The following ADGRV1 variants were observed in gnomAD, a reference collection of about 807,000 sequenced individuals.
ADGRV1 encodes the protein adhesion G protein-coupled receptor V1, also known as G-protein coupled receptor 98.
In ADGRV1, 359 loss-of-function variants were observed where a neutral mutation model predicts 596.2. That is an observed-to-expected ratio of 0.60 (90% CI 0.55 to 0.66). The LOEUF is 0.66. Among genes scored for constraint, ADGRV1 ranks in the 30% least tolerant of loss-of-function variants. ADGRV1 has a pLI of 0.00. For missense variants in ADGRV1, 7,274 were observed against 7,575.6 expected, an observed-to-expected ratio of 0.96 and a Z score of 1.48; for synonymous variants, 2,681 against 2,679.2, an observed-to-expected ratio of 1.00 and a Z score of -0.02.
intron 83 of ADGRV1, among the ~76,000 whole-genome samples, chr5:90,876,768 A>G (rs1246528907): frequency 6.6e-6 from 1 of 152,208 alleles, no homozygotes; most frequent in African/African-American, 2.4e-5. Flanking sequence ...TAATGAAAAG[A>G]AGACCTTTTC....
intron 83 of ADGRV1, among the ~76,000 whole-genome samples, chr5:90,954,584 TATAAAC>T (rs1240187903): frequency 2.0e-5 from 3 of 152,192 alleles, no homozygotes; most frequent in Non-Finnish European, 4.4e-5. Context: ...ATGCATTATC[TATAAAC>T]ATAAAGTCTA....
intron 87 of ADGRV1, among the ~76,000 whole-genome samples, chr5:91,139,295 G>GT (rs1036449934): frequency 6.6e-5 from 10 of 152,084 alleles, no homozygotes; most frequent in African/African-American, 2.4e-4. Context: ...AAGTTTTTGA[G>GT]TTTTTTTCCT....
intron 11 of ADGRV1, among the ~76,000 whole-genome samples, chr5:90,641,777 C>T (rs1356232730): frequency 4.6e-5 from 7 of 152,140 alleles, no homozygotes; most frequent in Non-Finnish European, 1.0e-4. Flanking sequence ...CGTGACATTT[C>T]GCAAGGTTTA....
chr5:90,689,384 T>C (rs1431849207), intron 29 of ADGRV1, among the ~76,000 whole-genome samples: 1 of 145,772 alleles, frequency 6.9e-6, no homozygotes, highest in Non-Finnish European at 1.5e-5. Context: ...CAGTACTCAG[T>C]AGCGGCTTTC....
chr5:90,647,979 C>A lies in ADGRV1; in HGVS notation c.3289+215C>A, dbSNP rs551450128. On this transcript the variant is annotated intron_variant, in intron 17 of 89. Transcript: ENST00000405460. ...TGAACCTTTATGACATCCTTTTTAACCTTTTCTTTATGATATGGCACAAAT... is the reference window on the plus strand; with the variant it reads ...TGAACCTTTATGACATCCTTTTTAAACTTTTCTTTATGATATGGCACAAAT... Among the ~76,000 whole-genome samples the A allele has an allele frequency of 3.3e-5, 5 of 152,236 alleles. No individual in the cohort carries two copies. In the East Asian group the frequency reaches 7.7e-4, roughly 23 times the overall value.
chr5:90,978,821 A>G (rs1056501676), intron 84 of ADGRV1, among the ~76,000 whole-genome samples: 12 of 152,224 alleles, frequency 7.9e-5, no homozygotes, highest in African/African-American at 2.7e-4. Flanking sequence ...AAATTGTAAA[A>G]TTATTGTTAA....
intron 83 of ADGRV1, among the ~76,000 whole-genome samples, chr5:90,945,507 C>T (rs186323905): frequency 7.0e-4 from 107 of 152,214 alleles, no homozygotes; most frequent in Non-Finnish European, 6.5e-4. Context: ...CAATCCAGGG[C>T]TTGTTTTCAA....
intron 83 of ADGRV1, among the ~76,000 whole-genome samples, chr5:90,934,530 G>T (rs548689048): frequency 6.6e-6 from 1 of 151,840 alleles, no homozygotes; most frequent in African/African-American, 2.4e-5. Flanking sequence ...ACTTCCTCTC[G>T]TGTGTTCCCT....
intron 83 of ADGRV1, among the ~76,000 whole-genome samples, chr5:90,887,017 C>T (rs1770365034): frequency 6.6e-6 from 1 of 152,170 alleles, no homozygotes; most frequent in South Asian, 2.1e-4. Context: ...AGTTTGCTCT[C>T]TAGTTAGGAG....
chr5:91,159,635 A>G (rs73773304), intron 89 of ADGRV1, among the ~76,000 whole-genome samples: 6,113 of 152,286 alleles, frequency 0.04, 329 homozygotes, highest in African/African-American at 0.12. Context: ...CTTGAAGTAC[A>G]TCGGCACTTC....
Position 90,682,549 on chromosome 5 carries a change from T to C in ADGRV1, c.5665-1037T>C, listed in dbSNP as rs1456705385. Among the ~76,000 whole-genome samples the C allele has an allele frequency of 3.3e-5, 5 of 152,356 alleles. No homozygotes were observed. The East Asian group carries it at 7.7e-4, about 23-fold the overall frequency. ...TCATTGTTCAGTGACTCACAGGAGC[T>C]AGCTGCTTGCTCAGCTTCCATACGA... On this transcript the variant is annotated intron_variant, in intron 27 of 89. Coordinates refer to ENST00000405460, the MANE Select transcript of ADGRV1 (RefSeq NM_032119.4).
chr5:90,837,256 C>A (rs1765046423), intron 77 of ADGRV1, among the ~76,000 whole-genome samples: 1 of 152,068 alleles, frequency 6.6e-6, no homozygotes, highest in South Asian at 2.1e-4. Context: ...CAAATACTTT[C>A]TTTTATATAT....
At position 91,095,950 on chromosome 5, in the gene ADGRV1, A is replaced by T. The variant is rs113338844; in HGVS notation, c.18311-6269A>T. Reference sequence around the variant, plus strand: ...GGCTAATTTTTGTATTTTAATAGAGATAGGGTTTCACATTGACCAGGCTCA... The same window carrying T: ...GGCTAATTTTTGTATTTTAATAGAGTTAGGGTTTCACATTGACCAGGCTCA... On this transcript the variant is annotated intron_variant, in intron 86 of 89. Transcript: ENST00000405460. Among the ~76,000 whole-genome samples, 93 of 152,142 alleles carry T rather than the reference A, an allele frequency of 6.1e-4. No individual in the cohort carries two copies. In the Middle Eastern group the frequency reaches 0.01, roughly 17 times the overall value.
At chr5:90,600,152 A>T (rs1010633152) in intron 1 of ADGRV1, among the ~76,000 whole-genome samples, 1 of 152,058 alleles carries the variant, frequency 6.6e-6, no homozygotes, top group Non-Finnish European at 1.5e-5. Flanking sequence ...TGAGCATCAC[A>T]TATATATTTT....
chr5:90,806,059 C>A (rs1291498314), intron 72 of ADGRV1, among the ~76,000 whole-genome samples: 1 of 152,116 alleles, frequency 6.6e-6, no homozygotes, highest in Non-Finnish European at 1.5e-5. Flanking sequence ...CATTTACACT[C>A]AGTAAGAAAC....
At chr5:90,713,754 C>T (rs1043486353) in intron 42 of ADGRV1, among the ~76,000 whole-genome samples, 1 of 152,136 alleles carries the variant, frequency 6.6e-6, no homozygotes, top group African/African-American at 2.4e-5. Context: ...CAAATTCATG[C>T]ATTCCTATAA....
chr5:90,769,493 A>G (rs1757470698), intron 59 of ADGRV1, among the ~76,000 whole-genome samples: 1 of 152,220 alleles, frequency 6.6e-6, no homozygotes, highest in Non-Finnish European at 1.5e-5. Context: ...GAGAACAACT[A>G]TGCCAATACT....
chr5:91,093,488 T>C (rs937770904), intron 86 of ADGRV1, among the ~76,000 whole-genome samples: 2 of 152,242 alleles, frequency 1.3e-5, no homozygotes, highest in African/African-American at 4.8e-5. Flanking sequence ...TCAACAATTC[T>C]TTTATTGAAC....
At chr5:91,159,155 A>G (rs979780735) in intron 89 of ADGRV1, among the ~76,000 whole-genome samples, 10 of 152,274 alleles carry the variant, frequency 6.6e-5, no homozygotes, top group African/African-American at 2.4e-4. Context: ...TTTAGCTAAG[A>G]CATTCTCTTT....
Sources: allele counts gnomAD v4.1 joint callset (sites outside exome capture counted in the v4.1 genomes callset), GRCh38; gene constraint gnomAD v4.1.1; transcripts MANE v1.5; gene names NCBI Gene and HGNC (gene_info 2026-07-23, HGNC 2026-07-21).